Variants in ADAM2 observed in about 807,000 individuals in gnomAD.
The protein encoded by ADAM2 is disintegrin and metalloproteinase domain-containing protein 2.
ADAM2 carries 101 observed loss-of-function variants against 99.3 expected under a neutral mutation model. The observed-to-expected ratio is 1.02, with a 90% CI of 0.87 to 1.20. The LOEUF (loss-of-function observed/expected upper bound fraction) is 1.20. ADAM2 is among the 50% of genes most tolerant of loss of function. The pLI is 0.00. For synonymous variants in ADAM2, 323 were observed against 287.6 expected, an observed-to-expected ratio of 1.12 and a Z score of -1.25; for missense variants, 948 against 878.7, an observed-to-expected ratio of 1.08 and a Z score of -1.00.
chr8:39,752,194 T>G (rs762965996), intron 16 of ADAM2, among the ~76,000 whole-genome samples: 3 of 152,198 alleles, frequency 2.0e-5, no homozygotes, highest in African/African-American at 7.2e-5. Context: ...ATTTTGGATT[T>G]AAATGATCAT....
At chr8:39,827,422 A>G (rs1805454175) in intron 3 of ADAM2, among the ~76,000 whole-genome samples, 1 of 152,194 alleles carries the variant, frequency 6.6e-6, no homozygotes, top group Non-Finnish European at 1.5e-5. Flanking sequence ...TGTTGAAGAG[A>G]TATCTGTAAT....
chr8:39,773,508 T>C (rs1802865461), intron 11 of ADAM2, among the ~76,000 whole-genome samples: 1 of 151,696 alleles, frequency 6.6e-6, no homozygotes, highest in Admixed American at 6.6e-5. Context: ...TTTGATAAAA[T>C]CTAAGTTAGA....
chr8:39,745,700 C>T (rs2129582523), intron 19 of ADAM2, among the ~76,000 whole-genome samples: 1 of 152,020 alleles, frequency 6.6e-6, no homozygotes, highest in African/African-American at 2.4e-5. Context: ...CTTCAATTTA[C>T]ATTACTACCA....
chr8:39,760,944 A>T (rs1048648303), intron 15 of ADAM2, among the ~76,000 whole-genome samples: 1 of 151,020 alleles, frequency 6.6e-6, no homozygotes, highest in Non-Finnish European at 1.5e-5. Flanking sequence ...AAAAATGATT[A>T]CTGATGGGTA....
chr8:39,749,366 C>CA lies in ADAM2; in HGVS notation c.1959dup (p.Gly654TrpfsTer4), dbSNP rs963140536. On this transcript the variant is annotated frameshift_variant, in exon 18 of 21. Coordinates refer to ENST00000265708, the MANE Select transcript of ADAM2 (RefSeq NM_001464.5). LOFTEE classifies it high-confidence loss of function. ...GGAAAATTGCCACTGTCAATACTCCCACCAGGCCATAGATCTGATTGAACT... is the reference window on the plus strand; with the variant it reads ...GGAAAATTGCCACTGTCAATACTCCCAACCAGGCCATAGATCTGATTGAACT... 6.8e-6 allele frequency: 11 copies of CA among 1,613,342 alleles called. No individual in the cohort carries two copies. The highest frequency in any genetic ancestry group is 9.3e-6 in the Non-Finnish European group (11 of 1,179,558).
chr8:39,790,356 G>C (rs1233986592), intron 7 of ADAM2, among the ~76,000 whole-genome samples: 1 of 151,874 alleles, frequency 6.6e-6, no homozygotes, highest in Non-Finnish European at 1.5e-5. Context: ...AAGAAACGCA[G>C]TACTAATCCA....
At chr8:39,753,633 G>A (rs566711967) in intron 16 of ADAM2, among the ~76,000 whole-genome samples, 12 of 152,248 alleles carry the variant, frequency 7.9e-5, no homozygotes, top group African/African-American at 2.9e-4. Context: ...GGGTCCCCCT[G>A]CTCTATACTG....
At chr8:39,752,403 A>G (rs889726054) in intron 16 of ADAM2, among the ~76,000 whole-genome samples, 1 of 152,190 alleles carries the variant, frequency 6.6e-6, no homozygotes, top group Non-Finnish European at 1.5e-5. Context: ...GTCACAGTCA[A>G]AATGGTAGAA....
chr8:39,760,058 G>A (rs1330557705), intron 15 of ADAM2, among the ~76,000 whole-genome samples: 2 of 151,894 alleles, frequency 1.3e-5, no homozygotes, highest in African/African-American at 4.8e-5. Flanking sequence ...GTAGAGACGG[G>A]GATTCACCAG....
intron 11 of ADAM2, among the ~76,000 whole-genome samples, chr8:39,772,746 T>C (rs1406454177): frequency 6.6e-6 from 1 of 152,016 alleles, no homozygotes; most frequent in Non-Finnish European, 1.5e-5. Flanking sequence ...AAGAATGAAA[T>C]GTTCTAGTAA....
intron 10 of ADAM2, among the ~76,000 whole-genome samples, chr8:39,785,520 T>A (rs1353503728): frequency 6.6e-6 from 1 of 152,126 alleles, no homozygotes; most frequent in Non-Finnish European, 1.5e-5. Flanking sequence ...ACTGGGTATA[T>A]ACTCGAAAGA....
chr8:39,785,754 G>A lies in ADAM2; in HGVS notation c.891+1220C>T, dbSNP rs141786817. 1.9e-3 allele frequency among the ~76,000 whole-genome samples: 277 copies of A among 149,384 alleles called. 5 individuals carry two copies. Among genetic ancestry groups the A allele is most frequent in the East Asian group, 0.013 (63 of 5,032 alleles). ...GGAGGTTGCAGTGAAACGAGATTGT[G>A]CTATTGCACTCCAGCCTGGATGACA... On this transcript the variant is annotated intron_variant, in intron 10 of 20. Coordinates refer to ENST00000265708, the MANE Select transcript of ADAM2 (RefSeq NM_001464.5).
At chr8:39,798,386 A>C (rs1025364985) in intron 7 of ADAM2, among the ~76,000 whole-genome samples, 6 of 152,202 alleles carry the variant, frequency 3.9e-5, no homozygotes, top group Non-Finnish European at 8.8e-5. Context: ...CCAGGGATGA[A>C]GCTGGCTTGA....
At position 39,776,888 on chromosome 8, in the gene ADAM2, G is replaced by A. The variant is rs1586083581; in HGVS notation, c.1028+137C>T. ...GAGATAAATATGCATCGTGGGCATT[G>A]GAATACACATTTTGGTCCTGGAGTC... On this transcript the variant is annotated intron_variant, in intron 11 of 20. Coordinates refer to ENST00000265708, the MANE Select transcript of ADAM2 (RefSeq NM_001464.5). 4 of 577,776 alleles carry A rather than the reference G, an allele frequency of 6.9e-6. No individual in the cohort carries two copies. The East Asian group carries it at 1.2e-4, about 17-fold the overall frequency. The allele number at this position is 577,776 out of a possible 1,614,324, so 35.8% of individuals were successfully genotyped here. A position where few individuals can be genotyped will look rare whatever the true frequency, so the allele number is the denominator to read the frequency against.
At chr8:39,798,401 G>A (rs909626343) in intron 7 of ADAM2, among the ~76,000 whole-genome samples, 3 of 152,106 alleles carry the variant, frequency 2.0e-5, no homozygotes, top group African/African-American at 7.2e-5. Context: ...GCTTGATTTT[G>A]GTGGATAAGG....
At chr8:39,788,535 A>G (rs189831124) in intron 8 of ADAM2, 134 bp downstream of exon 8, 6,334 of 615,532 alleles carry the variant, frequency 0.01, 46 homozygotes, top group Non-Finnish European at 0.012. Flanking sequence ...CCCACTTCAG[A>G]TAAGTAAAAT....
intron 14 of ADAM2, among the ~76,000 whole-genome samples, chr8:39,764,852 A>T (rs1802506353): frequency 6.6e-6 from 1 of 151,810 alleles, no homozygotes; most frequent in African/African-American, 2.4e-5. Flanking sequence ...TATCTCTATT[A>T]AAAAATACAA....
intron 3 of ADAM2, among the ~76,000 whole-genome samples, chr8:39,832,759 A>AT (rs1033501766): frequency 3.9e-5 from 6 of 152,098 alleles, no homozygotes; most frequent in African/African-American, 1.2e-4. Flanking sequence ...TATTCAAAAG[A>AT]TTTTTTTATT....
At chr8:39,759,341 T>C (rs1172951101) in intron 15 of ADAM2, among the ~76,000 whole-genome samples, 1 of 151,928 alleles carries the variant, frequency 6.6e-6, no homozygotes, top group Non-Finnish European at 1.5e-5. Context: ...AGTTAACCGA[T>C]AGTATTAAAA....
Sources: allele counts gnomAD v4.1 joint callset (sites outside exome capture counted in the v4.1 genomes callset), GRCh38; gene constraint gnomAD v4.1.1; transcripts MANE v1.5; gene names NCBI Gene and HGNC (gene_info 2026-07-23, HGNC 2026-07-21).